POGK: variants seen among roughly 807,000 people sequenced by gnomAD.
POGK encodes pogo transposable element derived with KRAB domain, also known as pogo transposable element with KRAB domain.
POGK carries 16 observed loss-of-function variants against 54.4 expected under a neutral mutation model. The ratio of observed to expected loss-of-function variants is 0.29; its 90% CI spans 0.20 to 0.45. The LOEUF (loss-of-function observed/expected upper bound fraction) is 0.45, where lower values mean the gene tolerates loss of function less well. Among genes scored for constraint, POGK ranks in the 20% least tolerant of loss-of-function variants. The probability of loss-of-function intolerance (pLI) is 1.00; values close to 1 mark genes in which losing one functional copy is unlikely to be tolerated. For missense variants in POGK, 515 were observed against 795.6 expected (o/e 0.65, Z 4.24); for synonymous variants, 271 against 302.2 (o/e 0.90, Z 1.07).
At chr1:166,840,844 G>A in intron 1 of POGK, 111 bp from the exon 2 acceptor site, 3 of 1,362,972 alleles carry the variant, frequency 2.2e-6, no homozygotes, top group Admixed American at 2.2e-5. Flanking sequence ...CCTCCAGCGG[G>A]AACAGTGCTT....
At chr1:166,844,882 G>A (rs926765647) in intron 2 of POGK, among the ~76,000 whole-genome samples, 1 of 152,142 alleles carries the variant, frequency 6.6e-6, no homozygotes, top group Non-Finnish European at 1.5e-5. Context: ...GGGCTTCCTC[G>A]GGAGCAGGGA....
rs916160995 is a variant in POGK, at chr1:166,855,499, ACT to A, written c.*2930_*2931del. 1 of 152,166 alleles carries A rather than the reference ACT, an allele frequency of 6.6e-6. No homozygotes were observed. Among genetic ancestry groups the A allele is most frequent in the Non-Finnish European group, 1.5e-5 (1 of 68,024 alleles). The allele number at this position is 152,166 out of a possible 1,614,324, so 9.4% of individuals were successfully genotyped here. ...GGCTCTTGTGAAAATGCTAAGTATT[ACT>A]GTTTCTACCTTACTGCCCTGCACTT... On this transcript the variant is annotated 3_prime_UTR_variant, in exon 6 of 6. Coordinates refer to ENST00000367876, the MANE Select transcript of POGK (RefSeq NM_017542.5).
rs762002847 is a variant in POGK at position 166,850,019 on chromosome 1, C to T, written c.1440C>T (p.Ser480=). ...LNGFRGHATD[S]VKNSMESMNT... ...GCTTCCGGGGCCATGCCACAGATTC[C>T]GTGAAGAACTCCATGGAAAGCATGA... The change falls in exon 5 of 6, where the codon TCC becomes TCT. Residue 480 remains serine, a synonymous_variant. Transcript: ENST00000367876. 1.1e-4 allele frequency: 174 copies of T among 1,614,022 alleles called. No homozygotes were observed. The highest frequency in any genetic ancestry group is 1.4e-4 in the Non-Finnish European group (168 of 1,180,022).
At chr1:166,842,919 C>G (rs563115373) in intron 2 of POGK, among the ~76,000 whole-genome samples, 117 of 151,908 alleles carry the variant, frequency 7.7e-4, no homozygotes, top group Non-Finnish European at 1.4e-3. Flanking sequence ...GTTGAGAAAC[C>G]CTGCTCTAGA....
intron 3 of POGK, 96 bp downstream of exon 3, chr1:166,846,834 T>A: frequency 1.3e-6 from 2 of 1,497,602 alleles, no homozygotes; most frequent in South Asian, 2.4e-5. Flanking sequence ...CCCTCTCTCC[T>A]GAACTTAGAC....
intron 3 of POGK, 71 bp downstream of exon 3, chr1:166,846,809 T>C: frequency 6.3e-7 from 1 of 1,576,252 alleles, no homozygotes; most frequent in Non-Finnish European, 8.7e-7. Flanking sequence ...CTCTCTTCTC[T>C]GGTATATCCA....
In POGK at chr1:166,839,499, A is replaced by T. The variant is rs1657376228; in HGVS notation, c.-108A>T. 6.6e-6 allele frequency: 1 copy of T among 151,136 alleles called. No individual in the cohort carries two copies. The allele number at this position is 151,136 out of a possible 1,614,324, so 9.4% of individuals were successfully genotyped here. Reference sequence around the variant, plus strand: ...CACGTGTCCTCCCCGCTCCCTCCCGAGGGGCCGCGCGCACGGGAGGACGGA... The same window carrying T: ...CACGTGTCCTCCCCGCTCCCTCCCGTGGGGCCGCGCGCACGGGAGGACGGA... On this transcript the variant is annotated 5_prime_UTR_variant, in exon 1 of 6. Coordinates refer to ENST00000367876, the MANE Select transcript of POGK (RefSeq NM_017542.5).
intron 4 of POGK, among the ~76,000 whole-genome samples, chr1:166,848,313 A>G (rs1454599719): frequency 6.6e-6 from 1 of 152,228 alleles, no homozygotes; most frequent in Non-Finnish European, 1.5e-5. Flanking sequence ...ACAACTGATG[A>G]CATTTTAGTT....
rs1164713419 is a variant in POGK, at chr1:166,839,576, A to C, written c.-31A>C. ...GCCGGGCCGGAGCCCTCGCGTCCCCACCCCGCGCCCTGGCCGCTGGGCCCG... is the reference window on the plus strand; with the variant it reads ...GCCGGGCCGGAGCCCTCGCGTCCCCCCCCCGCGCCCTGGCCGCTGGGCCCG... On this transcript the variant is annotated 5_prime_UTR_variant, in exon 1 of 6. Transcript: ENST00000367876. 6.9e-6 allele frequency: 1 copy of C among 145,742 alleles called. No homozygotes were observed. 9.0% of individuals were successfully genotyped at this position (145,742 alleles called of 1,614,324 possible). A position where few individuals can be genotyped will look rare whatever the true frequency, so the allele number is the denominator to read the frequency against.
At chr1:166,843,762 T>C (rs960656914) in intron 2 of POGK, among the ~76,000 whole-genome samples, 1 of 152,084 alleles carries the variant, frequency 6.6e-6, no homozygotes, top group Non-Finnish European at 1.5e-5. Flanking sequence ...TGAGATAGCA[T>C]TGGAATGCCA....
At chr1:166,851,977 C>T (rs1658082688) in intron 5 of POGK, 1 of 152,188 alleles carries the variant, frequency 6.6e-6, no homozygotes, top group Non-Finnish European at 1.5e-5. Context: ...AAATTGTACT[C>T]ATATTGCTGA....
intron 2 of POGK, among the ~76,000 whole-genome samples, chr1:166,842,386 C>G (rs1487401554): frequency 6.6e-6 from 1 of 152,172 alleles, no homozygotes; most frequent in Non-Finnish European, 1.5e-5. Context: ...TTTGTGGCCT[C>G]CAGGCAATCA....
At chr1:166,840,873 A>C in intron 1 of POGK, 82 bp from the exon 2 acceptor site, 3 of 1,558,346 alleles carry the variant, frequency 1.9e-6, no homozygotes, top group South Asian at 1.2e-5. Context: ...AGAGGTTTGT[A>C]TGTGGCTCAG....
Position 166,853,232 on chromosome 1 carries a change from T to C in POGK, c.*662T>C, listed in dbSNP as rs1014356643. 2.6e-5 allele frequency: 4 copies of C among 152,674 alleles called. No individual in the cohort carries two copies. The highest frequency in any genetic ancestry group is 4.4e-5 in the Non-Finnish European group (3 of 68,050). The allele number at this position is 152,674 out of a possible 1,614,324, so 9.5% of individuals were successfully genotyped here. The stretch of plus-strand genomic sequence containing the variant: ...ACAAACTAGGTTAGTGTGGAAGATA[T>C]AGGTTAAAATAAACTATGCTGTTTT... On this transcript the variant is annotated 3_prime_UTR_variant, in exon 6 of 6. Coordinates refer to ENST00000367876, the MANE Select transcript of POGK (RefSeq NM_017542.5).
At chr1:166,844,015 C>T (rs1451752058) in intron 2 of POGK, among the ~76,000 whole-genome samples, 3 of 152,232 alleles carry the variant, frequency 2.0e-5, no homozygotes, top group Admixed American at 2.0e-4. Flanking sequence ...GAGGGGAGGC[C>T]TGCGCAGCAG....
chr1:166,849,174 A>G lies in POGK; in HGVS notation c.595A>G (p.Ser199Gly). 1 of 1,614,216 alleles carries G rather than the reference A, an allele frequency of 6.2e-7. No individual in the cohort carries two copies. The highest frequency in any genetic ancestry group is 8.5e-7 in the Non-Finnish European group (1 of 1,180,046). Residue 199 changes from serine (S) to glycine (G), a missense_variant, in exon 5 of 6, where the codon AGT (serine) becomes GGT (glycine). By Grantham distance (56) the Ser-to-Gly change is moderately conservative. Coordinates refer to ENST00000367876, the MANE Select transcript of POGK (RefSeq NM_017542.5). Reference protein sequence around the residue: ...KFQFSRGMRRSYDAGFKLMVV... With the variant: ...KFQFSRGMRRGYDAGFKLMVV... ...TCAGTTCAGCCGGGGCATGCGCCGC[A>G]GTTACGACGCAGGGTTCAAGCTGAT...
At position 166,855,572 on chromosome 1, in the gene POGK, T is replaced by G. The variant is rs1557905917; in HGVS notation, c.*3002T>G. On this transcript the variant is annotated 3_prime_UTR_variant, in exon 6 of 6. Coordinates refer to ENST00000367876, the MANE Select transcript of POGK (RefSeq NM_017542.5). ...TTAGAAAATGATTTCATAGGAAAAT[T>G]GGCATGGAGAGCAGATAGTAGAGTG... The G allele has an allele frequency of 6.6e-6, 1 of 152,258 alleles. No individual in the cohort carries two copies. 9.4% of individuals were successfully genotyped at this position (152,258 alleles called of 1,614,324 possible). A position where few individuals can be genotyped will look rare whatever the true frequency, so the allele number is the denominator to read the frequency against.
chr1:166,844,516 C>T (rs1182879725), intron 2 of POGK, among the ~76,000 whole-genome samples: 1 of 152,138 alleles, frequency 6.6e-6, no homozygotes. Context: ...TCATATTTCA[C>T]ACTTAGGGAT....
In POGK at chr1:166,853,000, AG is replaced by A. The variant is rs1235084619; in HGVS notation, c.*431del. On this transcript the variant is annotated 3_prime_UTR_variant, in exon 6 of 6. Coordinates refer to ENST00000367876, the MANE Select transcript of POGK (RefSeq NM_017542.5). ...GTGTCCTTCTATGGAGAAAACCTCA[AG>A]TAAAGTTTTATTCTGCCTTTGAAAA... is the stretch of plus-strand genomic sequence containing the variant. 1 of 152,264 alleles carries A rather than the reference AG, an allele frequency of 6.6e-6. No homozygotes were observed. Among genetic ancestry groups the A allele is most frequent in the Non-Finnish European group, 1.5e-5 (1 of 68,052 alleles). The allele number at this position is 152,264 out of a possible 1,614,324, so 9.4% of individuals were successfully genotyped here.
Sources: gnomAD v4.1 joint callset for allele counts (sites outside exome capture counted in the v4.1 genomes callset) on GRCh38, gnomAD v4.1.1 for gene constraint, MANE v1.5 for transcripts, NCBI Gene and HGNC (gene_info 2026-07-23, HGNC 2026-07-21) for gene names.